The following CSMD1 variants were observed in gnomAD, a reference collection of about 807,000 sequenced individuals.
The protein encoded by CSMD1 is CUB and Sushi multiple domains 1.
A neutral mutation model predicts 417.5 loss-of-function variants in CSMD1; 213 were observed. The ratio of observed to expected loss-of-function variants is 0.51; its 90% CI spans 0.46 to 0.57. CSMD1 has a LOEUF of 0.57. Among genes scored for constraint, CSMD1 ranks in the 20% least tolerant of loss-of-function variants. The pLI, the probability that CSMD1 is intolerant of heterozygous loss-of-function variation, is 0.00. For missense variants in CSMD1, 6,923 were observed against 4,529.7 expected (o/e 1.53, Z -15.17); for synonymous variants, 2,862 against 1,736.8 (o/e 1.65, Z -16.11).
intron 3 of CSMD1, among the ~76,000 whole-genome samples, chr8:4,230,237 C>G (rs968595947): frequency 1.3e-5 from 2 of 152,086 alleles, no homozygotes; most frequent in Admixed American, 6.6e-5. Context: ...GTTTGTGTTG[C>G]TCTACAATAG....
chr8:2,981,466 T>G (rs1479756496), intron 54 of CSMD1, among the ~76,000 whole-genome samples: 2 of 152,142 alleles, frequency 1.3e-5, no homozygotes, highest in African/African-American at 4.8e-5. Flanking sequence ...TATAGGGTAA[T>G]GCGTCAGAAA....
chr8:3,005,474 G>C (rs1807808488), intron 52 of CSMD1, among the ~76,000 whole-genome samples: 1 of 152,104 alleles, frequency 6.6e-6, no homozygotes, highest in Admixed American at 6.5e-5. Context: ...AACCAAAAAA[G>C]AGAATTTTAG....
intron 1 of CSMD1, among the ~76,000 whole-genome samples, chr8:4,943,641 A>G (rs1056492339): frequency 2.0e-5 from 3 of 152,222 alleles, no homozygotes; most frequent in African/African-American, 7.2e-5. Context: ...GATTTATACT[A>G]TGTTGTCCAA....
At chr8:4,629,550 T>C (rs1175681464) in intron 2 of CSMD1, among the ~76,000 whole-genome samples, 2 of 152,208 alleles carry the variant, frequency 1.3e-5, no homozygotes, top group African/African-American at 2.4e-5. Flanking sequence ...TTATTAGAAA[T>C]ATTTTAACTT....
At chr8:3,647,272 G>A (rs764875034) in intron 7 of CSMD1, among the ~76,000 whole-genome samples, 18 of 152,206 alleles carry the variant, frequency 1.2e-4, no homozygotes, top group Non-Finnish European at 1.9e-4. Context: ...AAGGAGACCA[G>A]GGTGGCAGAA....
At chr8:3,531,900 G>A (rs1469856004) in intron 10 of CSMD1, among the ~76,000 whole-genome samples, 1 of 152,148 alleles carries the variant, frequency 6.6e-6, no homozygotes, top group Non-Finnish European at 1.5e-5. Flanking sequence ...ATCAGCACAT[G>A]CACAGTAAGA....
intron 1 of CSMD1, among the ~76,000 whole-genome samples, chr8:4,808,802 C>A (rs534211714): frequency 5.5e-4 from 84 of 152,198 alleles, no homozygotes; most frequent in Non-Finnish European, 9.6e-4. Flanking sequence ...CCCAGGCCAA[C>A]AGGCATGTAA....
chr8:3,367,128 T>C lies in CSMD1; in HGVS notation c.3019A>G (p.Thr1007Ala), dbSNP rs761377944. The change falls in exon 20 of 70, where the codon ACG becomes GCG. Residue 1007 changes from threonine to alanine, a missense_variant. Coordinates refer to ENST00000635120, the MANE Select transcript of CSMD1 (RefSeq NM_033225.6). ...ARLTGSVLPH[T>A]IKAGLFGNFT... is the part of the protein sequence containing the mutation. ...TTTCCAAACAGGCCTGCCTTGATCGTATGAGGCAACACCGACCCGGTGAGC... is the reference window on the plus strand; with the variant it reads ...TTTCCAAACAGGCCTGCCTTGATCGCATGAGGCAACACCGACCCGGTGAGC... The C allele has an allele frequency of 9.3e-6, 15 of 1,613,730 alleles. No homozygotes were observed. The highest frequency in any genetic ancestry group is 1.7e-5 in the Admixed American group (1 of 59,988).
chr8:3,436,439 C>T (rs531936305), intron 12 of CSMD1, among the ~76,000 whole-genome samples: 11 of 152,252 alleles, frequency 7.2e-5, no homozygotes, highest in Admixed American at 3.9e-4. Context: ...TTGCTACTTA[C>T]GTAATCCCAG....
chr8:4,665,532 G>A (rs533071516), intron 1 of CSMD1, among the ~76,000 whole-genome samples: 3 of 152,140 alleles, frequency 2.0e-5, no homozygotes, highest in African/African-American at 4.8e-5. Flanking sequence ...CCCCCAGAGG[G>A]TGGCAGCTGG....
intron 20 of CSMD1, among the ~76,000 whole-genome samples, chr8:3,361,946 T>C (rs547281038): frequency 6.6e-6 from 1 of 152,330 alleles, no homozygotes; most frequent in East Asian, 1.9e-4. Context: ...TTAATCATTA[T>C]TATACAAAGT....
intron 3 of CSMD1, among the ~76,000 whole-genome samples, chr8:4,398,304 T>G (rs753599058): frequency 6.6e-6 from 1 of 152,120 alleles, no homozygotes; most frequent in African/African-American, 2.4e-5. Flanking sequence ...TCTCTACTCT[T>G]AGTATGAGTT....
chr8:4,617,992 T>C (rs1446398869), intron 2 of CSMD1, among the ~76,000 whole-genome samples: 1 of 152,182 alleles, frequency 6.6e-6, no homozygotes, highest in Non-Finnish European at 1.5e-5. Flanking sequence ...AGCTGCCTAT[T>C]TGGATAAGAT....
intron 3 of CSMD1, among the ~76,000 whole-genome samples, chr8:4,278,877 A>C (rs1292880533): frequency 6.6e-6 from 1 of 152,218 alleles, no homozygotes; most frequent in Non-Finnish European, 1.5e-5. Flanking sequence ...TATGTATGTA[A>C]TAAAGGGAGA....
At chr8:4,296,248 G>T (rs1195652439) in intron 3 of CSMD1, among the ~76,000 whole-genome samples, 2 of 152,064 alleles carry the variant, frequency 1.3e-5, no homozygotes, top group Non-Finnish European at 2.9e-5. Flanking sequence ...ATTAGAGCTG[G>T]AGGAGTTTAT....
intron 41 of CSMD1, among the ~76,000 whole-genome samples, chr8:3,134,909 T>C (rs574115527): frequency 2.6e-5 from 4 of 152,268 alleles, no homozygotes; most frequent in East Asian, 3.9e-4. Context: ...GAGCACACCA[T>C]ACGTAACAGT....
At chr8:4,727,255 T>A (rs1809520307) in intron 1 of CSMD1, among the ~76,000 whole-genome samples, 1 of 152,186 alleles carries the variant, frequency 6.6e-6, no homozygotes, top group East Asian at 1.9e-4. Flanking sequence ...TGTTTTCACA[T>A]TAAACCAGTT....
At chr8:2,951,834 G>A (rs1331765482) in intron 65 of CSMD1, among the ~76,000 whole-genome samples, 1 of 152,140 alleles carries the variant, frequency 6.6e-6, no homozygotes, top group Non-Finnish European at 1.5e-5. Flanking sequence ...GTCCCTCTCT[G>A]TCATTCATAC....
intron 41 of CSMD1, among the ~76,000 whole-genome samples, chr8:3,141,620 G>C (rs1219482430): frequency 6.6e-6 from 1 of 152,008 alleles, no homozygotes; most frequent in Non-Finnish European, 1.5e-5. Flanking sequence ...ATATGTTGCA[G>C]ACCCTGCACC....
Sources: gnomAD v4.1 joint callset for allele counts (sites outside exome capture counted in the v4.1 genomes callset) on GRCh38, gnomAD v4.1.1 for gene constraint, MANE v1.5 for transcripts, NCBI Gene and HGNC (gene_info 2026-07-23, HGNC 2026-07-21) for gene names.